Variants in NEK1 observed in about 807,000 individuals in gnomAD.
NEK1 encodes NIMA related kinase 1.
Under a neutral mutation model 182.1 loss-of-function variants are expected in NEK1, and 137 were observed. The ratio of observed to expected loss-of-function variants is 0.75; its 90% CI spans 0.65 to 0.87. The LOEUF (loss-of-function observed/expected upper bound fraction) is 0.87. NEK1 is among the 40% of genes least tolerant of loss of function. The pLI is 0.00. For synonymous variants in NEK1, 513 were observed against 492.2 expected (o/e 1.04, Z -0.56); for missense variants, 1,391 against 1,494.4 (o/e 0.93, Z 1.14).
At chr4:169,407,945 A>G (rs1470451597) in intron 31 of NEK1, among the ~76,000 whole-genome samples, 1 of 152,266 alleles carries the variant, frequency 6.6e-6, no homozygotes, top group Non-Finnish European at 1.5e-5. Flanking sequence ...TGGTAAAAGT[A>G]CACTGCTTGT....
Position 169,406,247 on chromosome 4 carries a change from T to C in NEK1, c.3374+349A>G, listed in dbSNP as rs549472008. On this transcript the variant is annotated intron_variant, in intron 32 of 35. Transcript: ENST00000507142. ...CCCACACTCCAGCTAGGTGATAGAG[T>C]GACACCCTGTCTCTTAAAATAGATA... 1.1e-4 allele frequency among the ~76,000 whole-genome samples: 17 copies of C among 152,176 alleles called. No individual in the cohort carries two copies. In the East Asian group the frequency reaches 2.9e-3, roughly 26 times the overall value.
intron 23 of NEK1, among the ~76,000 whole-genome samples, chr4:169,497,834 C>A (rs1452661851): frequency 6.6e-6 from 1 of 152,116 alleles, no homozygotes; most frequent in Non-Finnish European, 1.5e-5. Flanking sequence ...ACTATGTGGT[C>A]AATTTTGAAA....
In NEK1 at chr4:169,406,642, T is replaced by C. The variant is rs747644786; in HGVS notation, c.3328A>G (p.Ile1110Val). Residue 1110 changes from isoleucine (I) to valine (V), a missense_variant, in exon 32 of 36, where the codon ATT (isoleucine) becomes GTT (valine). Ile to Val is a conservative substitution (Grantham distance 29). This residue lies in a region of NEK1 where 1,216 missense variants were observed against 1,277.6 expected (regional missense o/e 0.95). Transcript: ENST00000507142. Reference sequence around the variant, plus strand: ...CCTTCTTTAATGTTTTCATCTTCAATTTCATCTATTTCAAGATTGTCTTGA... The same window carrying C: ...CCTTCTTTAATGTTTTCATCTTCAACTTCATCTATTTCAAGATTGTCTTGA... ...VRQDNLEIDE[I>V]EDENIKEGPS... The C allele has an allele frequency of 4.4e-6, 7 of 1,607,916 alleles. No homozygotes were observed. The South Asian group carries it at 7.8e-5, about 18-fold the overall frequency.
chr4:169,589,795 T>C (rs1370689218), intron 6 of NEK1, among the ~76,000 whole-genome samples: 2 of 152,110 alleles, frequency 1.3e-5, no homozygotes, highest in East Asian at 3.9e-4. Flanking sequence ...GTTTCTTAGA[T>C]ATGACGTCAA....
chr4:169,424,494 A>G, intron 31 of NEK1, 59 bp downstream of exon 31: 2 of 1,484,184 alleles, frequency 1.3e-6, no homozygotes, highest in Non-Finnish European at 1.8e-6. Context: ...TTTATAAAAG[A>G]AAAACAATAA....
At chr4:169,422,762 T>C (rs536257614) in intron 31 of NEK1, among the ~76,000 whole-genome samples, 6 of 152,322 alleles carry the variant, frequency 3.9e-5, no homozygotes, top group East Asian at 1.9e-4. Flanking sequence ...AGTTCTTCTA[T>C]AGAACTCTTA....
chr4:169,609,539 C>T (rs1187224446), intron 2 of NEK1, among the ~76,000 whole-genome samples: 1 of 152,024 alleles, frequency 6.6e-6, no homozygotes, highest in African/African-American at 2.4e-5. Flanking sequence ...GGCATGCTAT[C>T]ATTTGTTTAG....
At chr4:169,541,746 A>C (rs1372736432) in intron 18 of NEK1, among the ~76,000 whole-genome samples, 2 of 152,206 alleles carry the variant, frequency 1.3e-5, no homozygotes, top group African/African-American at 4.8e-5. Context: ...AACCTTCGGT[A>C]TTAACTAGTC....
At chr4:169,488,862 A>AT (rs371086585) in intron 23 of NEK1, among the ~76,000 whole-genome samples, 46 of 151,698 alleles carry the variant, frequency 3.0e-4, no homozygotes, top group African/African-American at 8.2e-4. Flanking sequence ...ACTTTAATCA[A>AT]TTTTTTTTTG....
chr4:169,498,878 G>A (rs1275934648), intron 23 of NEK1, among the ~76,000 whole-genome samples: 2 of 152,106 alleles, frequency 1.3e-5, no homozygotes, highest in Non-Finnish European at 2.9e-5. Flanking sequence ...TGACAATTAT[G>A]TGTCTTGGAG....
At position 169,608,116 on chromosome 4, in the gene NEK1, T is replaced by TACACACACACACAC. The variant is rs57287742; in HGVS notation, c.-49+3890_-49+3903dup. ...TTTAAAGTTCAGACACACACACACATACACACACACACACACACACACAAA... is the reference window on the plus strand; with the variant it reads ...TTTAAAGTTCAGACACACACACACATACACACACACACACACACACACACACACACACACACAAA... On this transcript the variant is annotated intron_variant, in intron 2 of 35. Coordinates refer to ENST00000507142, the MANE Select transcript of NEK1 (RefSeq NM_001199397.3). 2.4e-3 allele frequency among the ~76,000 whole-genome samples: 349 copies of TACACACACACACAC among 148,106 alleles called. 1 individual carries two copies. Among genetic ancestry groups the TACACACACACACAC allele is most frequent in the Admixed American group, 3.4e-3 (50 of 14,784 alleles).
chr4:169,476,945 T>C (rs530243332), intron 26 of NEK1, among the ~76,000 whole-genome samples, 179 bp downstream of exon 26: 1 of 152,108 alleles, frequency 6.6e-6, no homozygotes, highest in Non-Finnish European at 1.5e-5. Flanking sequence ...ATTAGTTTTC[T>C]CTGCTCTTCA....
At chr4:169,479,816 C>T (rs1004315909) in intron 23 of NEK1, among the ~76,000 whole-genome samples, 1 of 152,104 alleles carries the variant, frequency 6.6e-6, no homozygotes, top group African/African-American at 2.4e-5. Flanking sequence ...TCCTGAAAAA[C>T]TGTCTTTTAA....
At chr4:169,539,496 C>G (rs1490506877) in intron 18 of NEK1, among the ~76,000 whole-genome samples, 1 of 152,146 alleles carries the variant, frequency 6.6e-6, no homozygotes, top group East Asian at 1.9e-4. Context: ...GTACCCTGTT[C>G]TGCCACATCC....
intron 19 of NEK1, among the ~76,000 whole-genome samples, chr4:169,534,264 G>C (rs1007618403): frequency 5.3e-5 from 8 of 152,182 alleles, no homozygotes; most frequent in African/African-American, 1.9e-4. Flanking sequence ...CAGCACAGGA[G>C]AGTGATCCTT....
At chr4:169,577,182 T>G (rs1280160185) in intron 11 of NEK1, 103 bp from the exon 12 acceptor site, 1 of 1,110,920 alleles carries the variant, frequency 9.0e-7, no homozygotes, top group Non-Finnish European at 1.3e-6. Flanking sequence ...TAATCATTGA[T>G]AGTATTTTAA....
chr4:169,598,783 G>C (rs551217432), intron 5 of NEK1, among the ~76,000 whole-genome samples: 3 of 152,276 alleles, frequency 2.0e-5, no homozygotes, highest in Admixed American at 6.5e-5. Context: ...GGAATATATA[G>C]TCTGGCAGCA....
intron 27 of NEK1, among the ~76,000 whole-genome samples, chr4:169,452,003 C>A (rs1741889980): frequency 6.6e-6 from 1 of 152,178 alleles, no homozygotes; most frequent in African/African-American, 2.4e-5. Flanking sequence ...ATACTATAAA[C>A]ACCTCTATGC....
chr4:169,603,095 G>A (rs576914637), intron 2 of NEK1, among the ~76,000 whole-genome samples: 2 of 152,178 alleles, frequency 1.3e-5, no homozygotes, highest in South Asian at 4.1e-4. Context: ...AACAATTTTG[G>A]ATAGTTTTTG....
Sources: gnomAD v4.1 joint callset for allele counts (sites outside exome capture counted in the v4.1 genomes callset) on GRCh38, gnomAD v4.1.1 for gene constraint, gnomAD v4.1.1 regional missense constraint, MANE v1.5 for transcripts, NCBI Gene and HGNC (gene_info 2026-07-23, HGNC 2026-07-21) for gene names.